GPATCH2: variants seen among roughly 807,000 people sequenced by gnomAD.
The protein encoded by GPATCH2 is G-patch domain containing 2, also known as G patch domain-containing protein 2.
A neutral mutation model predicts 58.0 loss-of-function variants in GPATCH2; 51 were observed. The observed-to-expected ratio is 0.88, with a 90% CI of 0.70 to 1.11. The LOEUF (loss-of-function observed/expected upper bound fraction) is 1.11, where lower values mean the gene tolerates loss of function less well. Among genes scored for constraint, GPATCH2 ranks in the 50% most tolerant of loss-of-function variants. The pLI, the probability that GPATCH2 is intolerant of heterozygous loss-of-function variation, is 0.00. For synonymous variants in GPATCH2, 222 were observed against 218.5 expected, an observed-to-expected ratio of 1.02 and a Z score of -0.14; for missense variants, 625 against 652.2, an observed-to-expected ratio of 0.96 and a Z score of 0.45.
intron 5 of GPATCH2, among the ~76,000 whole-genome samples, chr1:217,571,034 C>G (rs542549156): frequency 2.6e-5 from 4 of 152,168 alleles, no homozygotes; most frequent in Non-Finnish European, 5.9e-5. Flanking sequence ...AGGTGCTATT[C>G]TTGGCTCCTT....
At chr1:217,459,355 G>T (rs1472701224) in intron 8 of GPATCH2, among the ~76,000 whole-genome samples, 3 of 152,182 alleles carry the variant, frequency 2.0e-5, no homozygotes, top group African/African-American at 7.2e-5. Context: ...TGGGGAAATT[G>T]AGGAAAATTC....
chr1:217,491,543 G>C (rs1661733721), intron 8 of GPATCH2, 137 bp downstream of exon 8: 1 of 415,896 alleles, frequency 2.4e-6, no homozygotes, highest in Non-Finnish European at 4.4e-6. Context: ...TCCTAAAATA[G>C]ATTCCAATAA....
chr1:217,443,293 T>C (rs186732289), intron 9 of GPATCH2, among the ~76,000 whole-genome samples: 1 of 152,318 alleles, frequency 6.6e-6, no homozygotes, highest in East Asian at 1.9e-4. Flanking sequence ...TCTTGGGTAA[T>C]AATTTAGCTG....
chr1:217,610,816 T>G (rs1159120146), intron 4 of GPATCH2, 73 bp downstream of exon 4: 9 of 1,050,032 alleles, frequency 8.6e-6, no homozygotes, highest in Admixed American at 2.2e-5. Flanking sequence ...CACTTTATCT[T>G]ATCCTCCTTG....
chr1:217,431,519 G>A (rs577792928), intron 9 of GPATCH2, among the ~76,000 whole-genome samples, 154 bp from the exon 10 acceptor site: 78 of 152,320 alleles, frequency 5.1e-4, no homozygotes, highest in African/African-American at 1.9e-3. Context: ...ACTTTTTGTA[G>A]TTGAGAGAAC....
intron 5 of GPATCH2, among the ~76,000 whole-genome samples, chr1:217,598,342 C>A (rs1008370361): frequency 2.6e-5 from 4 of 151,964 alleles, no homozygotes; most frequent in African/African-American, 9.7e-5. Context: ...AAGCCAAGAT[C>A]GCACTATTGC....
intron 5 of GPATCH2, among the ~76,000 whole-genome samples, chr1:217,561,404 T>A (rs1665918088): frequency 6.6e-6 from 1 of 152,040 alleles, no homozygotes; most frequent in Non-Finnish European, 1.5e-5. Context: ...ACTTGGAGAA[T>A]AAAAAACTGA....
At chr1:217,553,201 T>C (rs1206026673) in intron 5 of GPATCH2, among the ~76,000 whole-genome samples, 3 of 152,126 alleles carry the variant, frequency 2.0e-5, no homozygotes, top group Admixed American at 6.5e-5. Flanking sequence ...ATAATCTCTA[T>C]TCAAGATGTC....
chr1:217,498,497 A>G, intron 6 of GPATCH2, 102 bp from the exon 7 acceptor site: 1 of 834,816 alleles, frequency 1.2e-6, no homozygotes, highest in Non-Finnish European at 2.1e-6. Flanking sequence ...CACCAGCAAC[A>G]CAGCCTTAAA....
chr1:217,532,837 G>T (rs1238998906), intron 5 of GPATCH2, among the ~76,000 whole-genome samples: 1 of 151,846 alleles, frequency 6.6e-6, no homozygotes, highest in East Asian at 1.9e-4. Context: ...AACAGAAGAG[G>T]GTCCCACTGG....
intron 8 of GPATCH2, among the ~76,000 whole-genome samples, chr1:217,463,474 T>C (rs901504193): frequency 1.3e-5 from 2 of 151,340 alleles, no homozygotes; most frequent in African/African-American, 4.9e-5. Flanking sequence ...GCTAGCCATG[T>C]TTAGGACTTG....
Position 217,448,626 on chromosome 1 carries a change from A to G in GPATCH2, c.1366+623T>C, listed in dbSNP as rs143791324. On this transcript the variant is annotated intron_variant, in intron 9 of 9. Coordinates refer to ENST00000366935, the MANE Select transcript of GPATCH2 (RefSeq NM_018040.5). ...AGGCTTCCTGTCCTCTCCGATCTACAGTGACTTCCCTCTGATCAGTACTTG... is the reference window on the plus strand; with the variant it reads ...AGGCTTCCTGTCCTCTCCGATCTACGGTGACTTCCCTCTGATCAGTACTTG... 5.4e-3 allele frequency among the ~76,000 whole-genome samples: 823 copies of G among 152,310 alleles called. 8 individuals are homozygous for G. Among genetic ancestry groups the G allele is most frequent in the African/African-American group, 0.018 (755 of 41,560 alleles).
intron 5 of GPATCH2, among the ~76,000 whole-genome samples, chr1:217,590,725 A>C (rs1020963506): frequency 2.0e-5 from 3 of 152,218 alleles, no homozygotes; most frequent in African/African-American, 7.2e-5. Context: ...CTGCCTGGCC[A>C]CTAGAAGGCA....
chr1:217,579,795 C>T (rs1216459251), intron 5 of GPATCH2, among the ~76,000 whole-genome samples: 2 of 152,120 alleles, frequency 1.3e-5, no homozygotes, highest in Non-Finnish European at 1.5e-5. Flanking sequence ...ATAAAAAAGT[C>T]CTACTTTTAT....
intron 8 of GPATCH2, among the ~76,000 whole-genome samples, chr1:217,473,074 T>TGG (rs1660804163): frequency 6.6e-6 from 1 of 152,214 alleles, no homozygotes; most frequent in Non-Finnish European, 1.5e-5. Context: ...CTTGGGAGGC[T>TGG]GCTCACAATG....
intron 1 of GPATCH2, among the ~76,000 whole-genome samples, chr1:217,626,491 G>A (rs368745392): frequency 7.2e-5 from 11 of 152,164 alleles, no homozygotes; most frequent in African/African-American, 2.7e-4. Flanking sequence ...TGTAGACTAT[G>A]AAAATGAGTG....
At chr1:217,469,527 T>C (rs1462386500) in intron 8 of GPATCH2, among the ~76,000 whole-genome samples, 1 of 152,178 alleles carries the variant, frequency 6.6e-6, no homozygotes, top group African/African-American at 2.4e-5. Flanking sequence ...AATTGATTCT[T>C]TTAAAAACAT....
intron 5 of GPATCH2, among the ~76,000 whole-genome samples, chr1:217,539,083 T>C (rs1429807276): frequency 1.3e-5 from 2 of 152,144 alleles, no homozygotes; most frequent in Non-Finnish European, 2.9e-5. Context: ...AATAGTTCCA[T>C]AGGTGAAAGT....
intron 8 of GPATCH2, among the ~76,000 whole-genome samples, chr1:217,483,634 G>C (rs1571781868): frequency 6.6e-6 from 1 of 152,244 alleles, no homozygotes; most frequent in Admixed American, 6.5e-5. Context: ...CTGGTTTCCA[G>C]AATGTAATAT....
Sources: gnomAD v4.1 joint callset for allele counts (sites outside exome capture counted in the v4.1 genomes callset) on GRCh38, gnomAD v4.1.1 for gene constraint, MANE v1.5 for transcripts, NCBI Gene and HGNC (gene_info 2026-07-23, HGNC 2026-07-21) for gene names.